CAMKMT: variants seen among roughly 807,000 people sequenced by gnomAD.
CAMKMT encodes the protein CaM KMT.
CAMKMT carries 53 observed loss-of-function variants against 48.0 expected under a neutral mutation model. The observed-to-expected ratio is 1.10, with a 90% confidence interval of 0.89 to 1.39. The LOEUF (loss-of-function observed/expected upper bound fraction) is 1.39, where lower values mean the gene tolerates loss of function less well. CAMKMT is among the 40% of genes most tolerant of loss of function. The pLI, the probability that CAMKMT is intolerant of heterozygous loss-of-function variation, is 0.00. For missense variants in CAMKMT, 428 were observed against 402.7 expected (o/e 1.06, Z -0.54); for synonymous variants, 165 against 152.3 (o/e 1.08, Z -0.61).
At chr2:44,500,135 CA>C (rs1572656992) in intron 3 of CAMKMT, among the ~76,000 whole-genome samples, 1 of 152,028 alleles carries the variant, frequency 6.6e-6, no homozygotes, top group Non-Finnish European at 1.5e-5. Context: ...AGCACAGAAC[CA>C]CAGAATATAA....
chr2:44,749,658 C>T (rs343948), intron 8 of CAMKMT, among the ~76,000 whole-genome samples: 4,630 of 152,190 alleles, frequency 0.03, 91 homozygotes, highest in Admixed American at 0.056. Context: ...TGTTTATTGA[C>T]AAGGAAACTG....
At chr2:44,666,570 A>G (rs1251718320) in intron 3 of CAMKMT, among the ~76,000 whole-genome samples, 1 of 151,590 alleles carries the variant, frequency 6.6e-6, no homozygotes, top group African/African-American at 2.4e-5. Context: ...TATTAGTAAT[A>G]AAACTGAACT....
chr2:44,679,426 G>A (rs1438994566), intron 3 of CAMKMT, among the ~76,000 whole-genome samples: 4 of 152,118 alleles, frequency 2.6e-5, no homozygotes, highest in Non-Finnish European at 5.9e-5. Context: ...AAGGGAAACA[G>A]TCTTTGAACT....
chr2:44,739,943 G>A (rs556240597), intron 7 of CAMKMT, among the ~76,000 whole-genome samples: 3 of 152,078 alleles, frequency 2.0e-5, no homozygotes, highest in African/African-American at 4.8e-5. Flanking sequence ...GCTAGAGCAC[G>A]TCCTAGAATA....
chr2:44,669,243 A>G (rs1409404272), intron 3 of CAMKMT, among the ~76,000 whole-genome samples: 4 of 152,186 alleles, frequency 2.6e-5, no homozygotes, highest in Non-Finnish European at 4.4e-5. Flanking sequence ...TTAGATTTTT[A>G]AAAAATTCAT....
chr2:44,521,801 T>A (rs1305709823), intron 3 of CAMKMT, among the ~76,000 whole-genome samples: 1 of 152,156 alleles, frequency 6.6e-6, no homozygotes, highest in Non-Finnish European at 1.5e-5. Flanking sequence ...GCTGCAGAAT[T>A]TGAGGGTTGT....
At chr2:44,597,758 G>A (rs991023093) in intron 3 of CAMKMT, among the ~76,000 whole-genome samples, 13 of 152,070 alleles carry the variant, frequency 8.5e-5, no homozygotes, top group African/African-American at 3.1e-4. Flanking sequence ...TCTGTTTTGA[G>A]ATGGAGTCTT....
intron 3 of CAMKMT, among the ~76,000 whole-genome samples, chr2:44,685,754 G>C (rs1676300077): frequency 6.6e-6 from 1 of 152,132 alleles, no homozygotes; most frequent in African/African-American, 2.4e-5. Flanking sequence ...ACTGTGATAT[G>C]AAAGTATTAA....
chr2:44,666,417 G>A lies in CAMKMT; in HGVS notation c.377-37866G>A, dbSNP rs893410314. On this transcript the variant is annotated intron_variant, in intron 3 of 10. Coordinates refer to ENST00000378494, the MANE Select transcript of CAMKMT (RefSeq NM_024766.5). Reference sequence around the variant, plus strand: ...TGATGAAAAAGTCCAGGACCCCCCCGAGCCCTTTGGCCCCCAGAATGCGAT... The same window carrying A: ...TGATGAAAAAGTCCAGGACCCCCCCAAGCCCTTTGGCCCCCAGAATGCGAT... Among the ~76,000 whole-genome samples the A allele has an allele frequency of 7.3e-5, 11 of 151,378 alleles. No homozygotes were observed. The East Asian group carries it at 1.6e-3, about 21-fold the overall frequency.
chr2:44,629,849 C>T (rs1368135896), intron 3 of CAMKMT, among the ~76,000 whole-genome samples: 2 of 152,062 alleles, frequency 1.3e-5, no homozygotes, highest in Admixed American at 6.5e-5. Flanking sequence ...CAATGCCATC[C>T]CCATCAAGCT....
chr2:44,511,233 C>T (rs1558666592), intron 3 of CAMKMT, among the ~76,000 whole-genome samples: 1 of 152,204 alleles, frequency 6.6e-6, no homozygotes, highest in Non-Finnish European at 1.5e-5. Context: ...TCCTGAGTTG[C>T]TTCACTTAGA....
At chr2:44,723,282 C>G (rs907199284) in intron 7 of CAMKMT, among the ~76,000 whole-genome samples, 1 of 152,166 alleles carries the variant, frequency 6.6e-6, no homozygotes, top group Non-Finnish European at 1.5e-5. Context: ...CTGCAGTGTT[C>G]CATTGCTTTA....
chr2:44,663,681 TTTAATTGCCTATAACATTTTA>T (rs1387042919), intron 3 of CAMKMT, among the ~76,000 whole-genome samples: 3 of 152,182 alleles, frequency 2.0e-5, no homozygotes, highest in Non-Finnish European at 4.4e-5. Context: ...CTCATGGGGT[TTTAATTGCCTATAACATTTTA>T]TTGTTCACCC....
intron 3 of CAMKMT, among the ~76,000 whole-genome samples, chr2:44,577,705 G>A (rs909300865): frequency 4.6e-5 from 7 of 151,924 alleles, no homozygotes; most frequent in Admixed American, 2.6e-4. Context: ...GACGGAGAGG[G>A]AGAGGGAGAT....
At position 44,556,450 on chromosome 2, in the gene CAMKMT, CTTTTTTTTTTTT is replaced by C. The variant is rs1176467214; in HGVS notation, c.377-147814_377-147803del. 3.8e-4 allele frequency among the ~76,000 whole-genome samples: 19 copies of C among 50,280 alleles called. 3 individuals carry two copies. Among genetic ancestry groups the C allele is most frequent in the East Asian group, 5.6e-4 (1 of 1,788 alleles). 33.0% of individuals were successfully genotyped at this position (50,280 alleles called of 152,430 possible). A position where few individuals can be genotyped will look rare whatever the true frequency, so the allele number is the denominator to read the frequency against. On this transcript the variant is annotated intron_variant, in intron 3 of 10. Coordinates refer to ENST00000378494, the MANE Select transcript of CAMKMT (RefSeq NM_024766.5). Reference sequence around the variant, plus strand: ...CACCGTGTCCAGCCAATTTTTCTTTCTTTTTTTTTTTTTTTTTTTTTTTTTTTTTTGAGACGG... The same window carrying C: ...CACCGTGTCCAGCCAATTTTTCTTTCTTTTTTTTTTTTTTTTTTGAGACGG...
chr2:44,422,203 C>A (rs1182781656), intron 3 of CAMKMT, among the ~76,000 whole-genome samples: 1 of 152,220 alleles, frequency 6.6e-6, no homozygotes, highest in Non-Finnish European at 1.5e-5. Context: ...CTCGCTTGCA[C>A]TGTCTCATGA....
At chr2:44,537,523 A>G (rs1666841832) in intron 3 of CAMKMT, among the ~76,000 whole-genome samples, 1 of 152,102 alleles carries the variant, frequency 6.6e-6, no homozygotes, top group South Asian at 2.1e-4. Context: ...ACAAAAAATA[A>G]CAGATGCTGG....
chr2:44,622,869 T>C (rs549003805), intron 3 of CAMKMT, among the ~76,000 whole-genome samples: 2 of 152,296 alleles, frequency 1.3e-5, no homozygotes, highest in Admixed American at 1.3e-4. Flanking sequence ...GATTGCTGGG[T>C]CAAATGGTAG....
intron 1 of CAMKMT, among the ~76,000 whole-genome samples, chr2:44,363,717 C>T (rs1171202939): frequency 3.5e-5 from 5 of 143,004 alleles, no homozygotes; most frequent in Non-Finnish European, 7.6e-5. Context: ...CGATACAGAG[C>T]CTTACTGTGT....
Sources: allele counts gnomAD v4.1 joint callset (sites outside exome capture counted in the v4.1 genomes callset), GRCh38; gene constraint gnomAD v4.1.1; transcripts MANE v1.5; gene names NCBI Gene and HGNC (gene_info 2026-07-23, HGNC 2026-07-21).